Variants in TACC3 observed in about 807,000 individuals in gnomAD.
The protein encoded by TACC3 is transforming acidic coiled-coil-containing protein 3.
TACC3 carries 52 observed loss-of-function variants against 86.0 expected under a neutral mutation model. The ratio of observed to expected loss-of-function variants is 0.60; its 90% CI spans 0.48 to 0.76. TACC3 has a LOEUF of 0.76. Ranked by LOEUF, TACC3 falls within the 30% of genes least tolerant of loss-of-function variation. The pLI is 0.00. For missense variants in TACC3, 1,120 were observed against 1,070.4 expected, an observed-to-expected ratio of 1.05 and a Z score of -0.65; for synonymous variants, 512 against 430.0, an observed-to-expected ratio of 1.19 and a Z score of -2.36.
intron 10 of TACC3, among the ~76,000 whole-genome samples, chr4:1,739,055 T>A (rs1022649112): frequency 2.6e-5 from 4 of 152,156 alleles, no homozygotes; most frequent in African/African-American, 9.7e-5. Context: ...ACGCCTGTAA[T>A]CCCAGTACTT....
At position 1,735,227 on chromosome 4, in the gene TACC3, G is replaced by A; in HGVS notation, c.1592-46G>A. On this transcript the variant is annotated intron_variant, in intron 6 of 15. Coordinates refer to ENST00000313288, the MANE Select transcript of TACC3 (RefSeq NM_006342.3). The surrounding 1 kb of genome is among the most constrained non-coding windows in gnomAD (Gnocchi z 4.2). ...GGAGACACCAGCCCGCCGCCCTTAGGGCCCTGGTGAGGGGCGATGGCGGCG... is the reference window on the plus strand; with the variant it reads ...GGAGACACCAGCCCGCCGCCCTTAGAGCCCTGGTGAGGGGCGATGGCGGCG... 1 of 1,612,696 alleles carries A rather than the reference G, an allele frequency of 6.2e-7. No individual in the cohort carries two copies. Among genetic ancestry groups the A allele is most frequent in the East Asian group, 2.2e-5 (1 of 44,880 alleles).
At chr4:1,725,132 G>A (rs549390696) in intron 3 of TACC3, among the ~76,000 whole-genome samples, 4 of 151,780 alleles carry the variant, frequency 2.6e-5, no homozygotes, top group Admixed American at 6.6e-5. Flanking sequence ...GGGTTTATCC[G>A]TGTTGGTCAG....
chr4:1,744,554 C>G lies in TACC3; in HGVS notation c.2260C>G (p.Leu754Val), dbSNP rs1169162345. The G allele has an allele frequency of 2.5e-6, 4 of 1,613,126 alleles. No individual in the cohort carries two copies. The highest frequency in any genetic ancestry group is 1.3e-5 in the African/African-American group (1 of 74,930). Residue 754 changes from leucine to valine, a missense_variant, in exon 14 of 16, where the codon CTG becomes GTG. Transcript: ENST00000313288. ...ACTGAAGAAGTGCGTGGAGGATTAC[C>G]TGGCAAGGATCACCCAGGAGGGCCA... ...ESLKKCVEDY[L>V]ARITQEGQRY...
Position 1,739,727 on chromosome 4 carries a change from G to T in TACC3, c.1967G>T (p.Arg656Leu). The change falls in exon 11 of 16, where the codon CGG becomes CTG. Residue 656 changes from arginine to leucine, a missense_variant. Physicochemically the swap from Arg to Leu is moderately radical, Grantham distance 102. Transcript: ENST00000313288. Reference sequence around the variant, plus strand: ...GTAAAGGCGACACAGGAGGAGAACCGGGAGCTGAGGAGCAGGTGTGAGGAG... The same window carrying T: ...GTAAAGGCGACACAGGAGGAGAACCTGGAGCTGAGGAGCAGGTGTGAGGAG... Reference protein sequence around the residue: ...AVVKATQEENRELRSRCEELH... With the variant: ...AVVKATQEENLELRSRCEELH... The T allele has an allele frequency of 1.3e-6, 2 of 1,587,148 alleles. No individual in the cohort carries two copies. Among genetic ancestry groups the T allele is most frequent in the Non-Finnish European group, 1.7e-6 (2 of 1,167,946 alleles).
Position 1,740,869 on chromosome 4 carries a change from G to A in TACC3, c.2106G>A (p.Gln702=). ...KQKELSKAEI[Q]KVLKEKDQLT... The stretch of plus-strand genomic sequence containing the variant: ...AGGAACTTTCCAAAGCTGAAATCCA[G>A]AAAGTTCTAAAAGAAAAAGACCAAC... The change falls in exon 13 of 16, where the codon CAG becomes CAA. Residue 702 remains glutamine, a synonymous_variant. Coordinates refer to ENST00000313288, the MANE Select transcript of TACC3 (RefSeq NM_006342.3). 1.9e-6 allele frequency: 3 copies of A among 1,612,344 alleles called. No homozygotes were observed. The highest frequency in any genetic ancestry group is 2.5e-6 in the Non-Finnish European group (3 of 1,179,634).
intron 1 of TACC3, among the ~76,000 whole-genome samples, chr4:1,722,929 C>T (rs369913222): frequency 6.6e-6 from 1 of 152,084 alleles, no homozygotes; most frequent in Non-Finnish European, 1.5e-5. Flanking sequence ...CTGCCTAGCC[C>T]GGTGGGAGAG....
intron 6 of TACC3, 45 bp downstream of exon 6, chr4:1,731,346 G>T (rs1718000718): frequency 6.3e-7 from 1 of 1,597,178 alleles, no homozygotes; most frequent in South Asian, 1.1e-5. Context: ...GCCCGGAGGG[G>T]ATCCCGTGAG....
In TACC3 at chr4:1,740,467, G is replaced by A. The variant is rs146702142; in HGVS notation, c.2063-359G>A. ...GAGTGTCAGCCGGCGGCAGGTGACC[G>A]CCTGGCCCTTGCAGTCCCTCCAGGA... On this transcript the variant is annotated intron_variant, in intron 12 of 15. Coordinates refer to ENST00000313288, the MANE Select transcript of TACC3 (RefSeq NM_006342.3). The A allele has an allele frequency of 1.3e-3, 394 of 307,460 alleles. 2 individuals carry two copies. Among genetic ancestry groups the A allele is most frequent in the African/African-American group, 7.0e-3 (328 of 46,568 alleles). 19.0% of individuals were successfully genotyped at this position (307,460 alleles called of 1,614,324 possible).
intron 6 of TACC3, among the ~76,000 whole-genome samples, chr4:1,734,815 C>T (rs528729171): frequency 2.6e-5 from 4 of 152,274 alleles, no homozygotes; most frequent in East Asian, 1.9e-4. Flanking sequence ...AGTGCAGCAC[C>T]GCGCCTAGCT....
At chr4:1,739,500 C>A (rs1718458369) in intron 10 of TACC3, 1 of 593,392 alleles carries the variant, frequency 1.7e-6, no homozygotes, top group Non-Finnish European at 3.0e-6. Flanking sequence ...TGCCTCCTGC[C>A]CCCTGGCAGT....
Position 1,739,854 on chromosome 4 carries a change from T to C in TACC3, c.2018+76T>C, listed in dbSNP as rs4077097. On this transcript the variant is annotated intron_variant, in intron 11 of 15. Coordinates refer to ENST00000313288, the MANE Select transcript of TACC3 (RefSeq NM_006342.3). Reference sequence around the variant, plus strand: ...CTTGTCCCCATCCCCCTCGCCATCCTTGTCCCCATCCCCCTCGCCATCCCT... The same window carrying C: ...CTTGTCCCCATCCCCCTCGCCATCCCTGTCCCCATCCCCCTCGCCATCCCT... 1,284 of 796,584 alleles carry C rather than the reference T, an allele frequency of 1.6e-3. 4 individuals are homozygous for C. The highest frequency in any genetic ancestry group is 3.0e-3 in the Admixed American group (94 of 31,670). The allele number at this position is 796,584 out of a possible 1,614,324, so 49.3% of individuals were successfully genotyped here.
chr4:1,727,474 C>T (rs1197131803), intron 3 of TACC3, among the ~76,000 whole-genome samples: 5 of 152,148 alleles, frequency 3.3e-5, no homozygotes, highest in Admixed American at 1.3e-4. Flanking sequence ...GCGGGGTCAG[C>T]GAGGAAGTCA....
rs369649395 is a variant in TACC3, at chr4:1,728,089, G to A, written c.687G>A (p.Pro229=). The change falls in exon 4 of 16, where the codon CCG becomes CCA. Residue 229 remains proline (P), a synonymous_variant. Transcript: ENST00000313288. ...AGGAAGAATGCAAAGCGGAGACTCCGCACGGAGCCGAGGAGGAATGCCGGC... is the reference window on the plus strand; with the variant it reads ...AGGAAGAATGCAAAGCGGAGACTCCACACGGAGCCGAGGAGGAATGCCGGC... The part of the protein sequence containing the change: ...GAEEECKAET[P]HGAEEECRHG... 304 of 1,602,258 alleles carry A rather than the reference G, an allele frequency of 1.9e-4. No homozygotes were observed. Among genetic ancestry groups the A allele is most frequent in the Non-Finnish European group, 2.5e-4 (290 of 1,176,106 alleles).
chr4:1,723,646 C>T (rs1717532759), intron 2 of TACC3, 63 bp downstream of exon 2: 4 of 1,610,112 alleles, frequency 2.5e-6, no homozygotes, highest in Admixed American at 1.7e-5. Flanking sequence ...TTCTTGGTGA[C>T]CTCTGAGCTG....
chr4:1,730,468 C>G (rs1268206414), intron 4 of TACC3: 1 of 334,704 alleles, frequency 3.0e-6, no homozygotes, highest in African/African-American at 2.1e-5. Context: ...TATTCTTATT[C>G]TGTATATTTA....
At chr4:1,736,326 G>C (rs1183739166) in intron 8 of TACC3, among the ~76,000 whole-genome samples, 1 of 148,780 alleles carries the variant, frequency 6.7e-6, no homozygotes, top group Non-Finnish European at 1.5e-5. Flanking sequence ...GGGAAGCCGA[G>C]GCAGGAGAAT....
In TACC3 at chr4:1,736,601, T is replaced by C. The variant is rs538344530; in HGVS notation, c.1749-640T>C. Among the ~76,000 whole-genome samples the C allele has an allele frequency of 7.9e-5, 12 of 152,190 alleles. No individual in the cohort carries two copies. The South Asian group carries it at 8.3e-4, about 11-fold the overall frequency. Reference sequence around the variant, plus strand: ...CAGAACTGAGTAGTGTGACAGAGGCTGTGTGGCCTTCAAATCCTAACACAT... The same window carrying C: ...CAGAACTGAGTAGTGTGACAGAGGCCGTGTGGCCTTCAAATCCTAACACAT... On this transcript the variant is annotated intron_variant, in intron 8 of 15. Coordinates refer to ENST00000313288, the MANE Select transcript of TACC3 (RefSeq NM_006342.3).
At chr4:1,726,313 C>T (rs1717685699) in intron 3 of TACC3, among the ~76,000 whole-genome samples, 2 of 152,226 alleles carry the variant, frequency 1.3e-5, no homozygotes, top group South Asian at 2.1e-4. Context: ...TGGCATCCTG[C>T]ACCTCAGCCC....
At chr4:1,720,881 C>T, upstream of TACC3, 1 of 1,532,706 alleles carries the variant, frequency 6.5e-7, no homozygotes, top group South Asian at 1.2e-5. This position sits in a 1 kb window ranked among gnomAD's most constrained non-coding sequence, Gnocchi z 4.4. Context: ...CCCGCCCCGG[C>T]GCGCGGACGA....
Sources: allele counts gnomAD v4.1 joint callset (sites outside exome capture counted in the v4.1 genomes callset), GRCh38; gene constraint gnomAD v4.1.1; non-coding constraint Gnocchi (gnomAD v3.1); transcripts MANE v1.5; gene names NCBI Gene and HGNC (gene_info 2026-07-23, HGNC 2026-07-21).